Variants in GLIS3 observed in about 807,000 individuals in gnomAD.
GLIS3 encodes GLIS family zinc finger 3, also known as zinc finger protein GLIS3.
Under a neutral mutation model 78.6 loss-of-function variants are expected in GLIS3, and 53 were observed. That is an observed-to-expected ratio of 0.67 (90% CI 0.54 to 0.85). GLIS3 has a LOEUF of 0.85. GLIS3 is among the 40% of genes least tolerant of loss of function. The pLI, the probability that GLIS3 is intolerant of heterozygous loss-of-function variation, is 0.00. For synonymous variants in GLIS3, 684 were observed against 509.9 expected (o/e 1.34, Z -4.60); for missense variants, 1,703 against 1,231.1 (o/e 1.38, Z -5.74).
At chr9:4,299,047 T>C (rs1409918054) in intron 1 of GLIS3, among the ~76,000 whole-genome samples, 3 of 152,144 alleles carry the variant, frequency 2.0e-5, no homozygotes, top group African/African-American at 7.2e-5. Context: ...GTGCGTCCTG[T>C]AACGTGCCCT....
At chr9:4,107,752 T>TAAAA (rs34563848) in intron 4 of GLIS3, among the ~76,000 whole-genome samples, 11,073 of 142,556 alleles carry the variant, frequency 0.078, 621 homozygotes, top group East Asian at 0.2. Context: ...ACAGGTTACC[T>TAAAA]AAAAAAAAAA....
the GLIS3 span, among the ~76,000 whole-genome samples, chr9:4,408,213 C>T: frequency 6.6e-6 from 1 of 151,590 alleles, no homozygotes; most frequent in Non-Finnish European, 1.5e-5. Flanking sequence ...TGGAGGTTCC[C>T]TAGAAAACAA....
chr9:3,898,978 C>T (rs1187518937), intron 6 of GLIS3, 143 bp from the exon 7 acceptor site: 1 of 989,448 alleles, frequency 1.0e-6, no homozygotes, highest in African/African-American at 1.6e-5. Flanking sequence ...CAGAGCTTAA[C>T]AGAGTGTCAA....
chr9:4,364,358 G>A, the GLIS3 span, among the ~76,000 whole-genome samples: 11 of 152,188 alleles, frequency 7.2e-5, no homozygotes, highest in African/African-American at 1.2e-4. Context: ...TACCTTGGGT[G>A]AGGATAAGTC....
intron 4 of GLIS3, among the ~76,000 whole-genome samples, chr9:4,036,259 A>G (rs1381324807): frequency 3.9e-5 from 6 of 152,160 alleles, no homozygotes; most frequent in Non-Finnish European, 7.3e-5. Flanking sequence ...CTAAGAACAC[A>G]GAAATCAAAT....
the GLIS3 span, among the ~76,000 whole-genome samples, chr9:4,397,457 C>T: frequency 6.6e-5 from 10 of 151,582 alleles, no homozygotes; most frequent in Non-Finnish European, 1.0e-4. Context: ...AGTCAGAATA[C>T]TCAACAATAG....
intron 2 of GLIS3, among the ~76,000 whole-genome samples, chr9:4,276,839 T>C (rs1354273372): frequency 2.0e-5 from 3 of 152,156 alleles, no homozygotes; most frequent in South Asian, 2.1e-4. Flanking sequence ...AAAGTAAACA[T>C]TGTGTTTCAC....
chr9:4,482,866 T>C, the GLIS3 span, among the ~76,000 whole-genome samples: 1 of 151,860 alleles, frequency 6.6e-6, no homozygotes, highest in Non-Finnish European at 1.5e-5. Flanking sequence ...ACTAGCAAAA[T>C]GTAATTAATA....
chr9:4,147,129 G>T (rs1006457766), intron 2 of GLIS3, among the ~76,000 whole-genome samples: 1 of 152,084 alleles, frequency 6.6e-6, no homozygotes, highest in Non-Finnish European at 1.5e-5. Flanking sequence ...ACATTATGCA[G>T]GCAATATCCT....
chr9:4,426,670 A>T, the GLIS3 span, among the ~76,000 whole-genome samples: 1 of 152,232 alleles, frequency 6.6e-6, no homozygotes, highest in Admixed American at 6.5e-5. Context: ...ATAGCAAAAT[A>T]TTTGAACCTT....
chr9:3,927,518 C>T (rs1226639088), intron 6 of GLIS3, among the ~76,000 whole-genome samples: 3 of 152,150 alleles, frequency 2.0e-5, no homozygotes, highest in East Asian at 1.9e-4. Flanking sequence ...TATTCTAAAG[C>T]GCACACCTCG....
intron 4 of GLIS3, among the ~76,000 whole-genome samples, chr9:3,969,089 T>A (rs1818179074): frequency 6.6e-6 from 1 of 152,206 alleles, no homozygotes; most frequent in Non-Finnish European, 1.5e-5. Flanking sequence ...AAGCCTTGAC[T>A]CACCTCTAGG....
At chr9:4,002,107 C>T (rs1237684448) in intron 4 of GLIS3, among the ~76,000 whole-genome samples, 3 of 152,136 alleles carry the variant, frequency 2.0e-5, no homozygotes, top group Non-Finnish European at 4.4e-5. Flanking sequence ...TTTGGGTGAG[C>T]CCAATTCAAC....
rs189821075 is a variant in GLIS3 at position 4,000,911 on chromosome 9, A to G, written c.1711-63722T>C. Among the ~76,000 whole-genome samples, 593 of 152,262 alleles carry G rather than the reference A, an allele frequency of 3.9e-3. 4 individuals are homozygous for G. The highest frequency in any genetic ancestry group is 0.013 in the African/African-American group (536 of 41,538). ...AGTGGAGTCTTCCCTGATTATTCTGATGGTCACTCTCTCCTCTGTACTTTC... is the reference window on the plus strand; with the variant it reads ...AGTGGAGTCTTCCCTGATTATTCTGGTGGTCACTCTCTCCTCTGTACTTTC... On this transcript the variant is annotated intron_variant, in intron 4 of 10. Transcript: ENST00000381971.
chr9:4,266,945 A>G (rs950810044), intron 2 of GLIS3, among the ~76,000 whole-genome samples: 1 of 152,226 alleles, frequency 6.6e-6, no homozygotes, highest in Non-Finnish European at 1.5e-5. Context: ...AGACCTGCTG[A>G]TAAGTGCTAC....
At chr9:4,201,679 A>G (rs1272652667) in intron 2 of GLIS3, among the ~76,000 whole-genome samples, 1 of 152,218 alleles carries the variant, frequency 6.6e-6, no homozygotes, top group Non-Finnish European at 1.5e-5. Context: ...GCTGAAAAAA[A>G]ATCAGAGGTG....
intron 2 of GLIS3, among the ~76,000 whole-genome samples, chr9:4,165,809 T>C (rs994413224): frequency 1.1e-4 from 17 of 152,164 alleles, no homozygotes; most frequent in African/African-American, 4.1e-4. Context: ...AGTCTTCAAT[T>C]GGGTGAGATT....
intron 2 of GLIS3, among the ~76,000 whole-genome samples, chr9:4,200,215 A>T (rs552267128): frequency 3.9e-4 from 59 of 152,188 alleles, no homozygotes; most frequent in Non-Finnish European, 7.8e-4. Context: ...AAGATCTCAA[A>T]TTAATGAACT....
In GLIS3 at chr9:3,829,446, A is replaced by G; in HGVS notation, c.2520T>C (p.Asp840=). The change falls in exon 10 of 11, where the codon GAT becomes GAC. Residue 840 remains aspartate, a synonymous_variant. Transcript: ENST00000381971. ...LQKFCPPHYP[D]SQRIVPPVSS... The stretch of plus-strand genomic sequence containing the variant: ...TGACAGGCGGCACAATTCTCTGGGA[A>G]TCGGGGTAGTGTGGGGGACAGAACT... 1 of 1,614,112 alleles carries G rather than the reference A, an allele frequency of 6.2e-7. No individual in the cohort carries two copies. The highest frequency in any genetic ancestry group is 1.1e-5 in the South Asian group (1 of 91,078).
Sources: gnomAD v4.1 joint callset for allele counts (sites outside exome capture counted in the v4.1 genomes callset) on GRCh38, gnomAD v4.1.1 for gene constraint, MANE v1.5 for transcripts, NCBI Gene and HGNC (gene_info 2026-07-23, HGNC 2026-07-21) for gene names.